The following TMPRSS3 variants were observed in gnomAD, a reference collection of about 807,000 sequenced individuals.
The protein encoded by TMPRSS3 is transmembrane serine protease 3, also known as transmembrane protease serine 3.
A neutral mutation model predicts 59.6 loss-of-function variants in TMPRSS3; 55 were observed. That is an observed-to-expected ratio of 0.92 (90% CI 0.74 to 1.16). The LOEUF (loss-of-function observed/expected upper bound fraction) is 1.16, where lower values mean the gene tolerates loss of function less well. TMPRSS3 is among the 50% of genes most tolerant of loss of function. TMPRSS3 has a pLI of 0.00. For synonymous variants in TMPRSS3, 257 were observed against 237.7 expected, an observed-to-expected ratio of 1.08 and a Z score of -0.75; for missense variants, 596 against 579.4, an observed-to-expected ratio of 1.03 and a Z score of -0.29.
rs949024094 is a variant in TMPRSS3, at chr21:42,388,691, G to A, written c.323-165C>T. On this transcript the variant is annotated intron_variant, in intron 4 of 12. Coordinates refer to ENST00000644384, the MANE Select transcript of TMPRSS3 (RefSeq NM_001256317.3). This position sits in a 1 kb window ranked among gnomAD's most constrained non-coding sequence, Gnocchi z 5.1. Reference sequence around the variant, plus strand: ...CAGAGCAGTGACTCTGGATCCCTGAGACTTCTCGCTGGTCTCATCTTATTG... The same window carrying A: ...CAGAGCAGTGACTCTGGATCCCTGAAACTTCTCGCTGGTCTCATCTTATTG... Among the ~76,000 whole-genome samples the A allele has an allele frequency of 6.6e-6, 1 of 152,190 alleles. No individual in the cohort carries two copies. The highest frequency in any genetic ancestry group is 1.5e-5 in the Non-Finnish European group (1 of 68,030).
At chr21:42,376,099 T>C (rs2052424110) in intron 11 of TMPRSS3, among the ~76,000 whole-genome samples, 1 of 152,120 alleles carries the variant, frequency 6.6e-6, no homozygotes, top group Non-Finnish European at 1.5e-5. Context: ...CAGCTGTGTG[T>C]CCCTTCCAGA....
In TMPRSS3 at chr21:42,388,295, C is replaced by A. The variant is rs2052668438; in HGVS notation, c.446+108G>T. 1 of 1,467,748 alleles carries A rather than the reference C, an allele frequency of 6.8e-7. No homozygotes were observed. The highest frequency in any genetic ancestry group is 9.5e-7 in the Non-Finnish European group (1 of 1,051,656). 90.9% of individuals were successfully genotyped at this position (1,467,748 alleles called of 1,614,324 possible). On this transcript the variant is annotated intron_variant, in intron 5 of 12. Transcript: ENST00000644384. The surrounding 1 kb of genome is among the most constrained non-coding windows in gnomAD (Gnocchi z 5.1). ...CCTAAGGTGGATGTGAGGATGTAATCTGAGAGCGTTAAAGCACCCAATAGT... is the reference window on the plus strand; with the variant it reads ...CCTAAGGTGGATGTGAGGATGTAATATGAGAGCGTTAAAGCACCCAATAGT...
At chr21:42,392,704 A>C (rs1056020088) in intron 2 of TMPRSS3, among the ~76,000 whole-genome samples, 2 of 152,176 alleles carry the variant, frequency 1.3e-5, no homozygotes, top group African/African-American at 4.8e-5. Flanking sequence ...GCACACTAAC[A>C]ATTCTCCTCT....
chr21:42,382,818 C>G (rs2146435645), intron 8 of TMPRSS3: 2 of 637,686 alleles, frequency 3.1e-6, no homozygotes, highest in Middle Eastern at 5.1e-4. Flanking sequence ...TCTCTAGGAG[C>G]TACAATCCTT....
intron 6 of TMPRSS3, among the ~76,000 whole-genome samples, chr21:42,384,842 C>T (rs945976064): frequency 5.9e-5 from 9 of 152,086 alleles, no homozygotes; most frequent in Non-Finnish European, 8.8e-5. Context: ...CACCGTCTAA[C>T]CTGGGGCAAG....
chr21:42,373,862 T>A (rs1040773104), intron 12 of TMPRSS3, among the ~76,000 whole-genome samples: 41 of 152,080 alleles, frequency 2.7e-4, no homozygotes, highest in African/African-American at 9.2e-4. Context: ...CCAGACTGAT[T>A]TTGAACGTTT....
rs2052616687 is a variant in TMPRSS3, at chr21:42,385,411, C to T, written c.570G>A (p.Val190=). The change falls in exon 6 of 13, where the codon GTG becomes GTA. Residue 190 remains valine, a splice_region_variant and synonymous_variant. Coordinates refer to ENST00000644384, the MANE Select transcript of TMPRSS3 (RefSeq NM_001256317.3). The part of the protein sequence containing the change: ...KVTALHHSVY[V]REGCASGHVV... ...AACAGCATCGCCTGACCACCTACCTCACATATACTGAGTGGTGTAATGCAG... is the reference window on the plus strand; with the variant it reads ...AACAGCATCGCCTGACCACCTACCTTACATATACTGAGTGGTGTAATGCAG... The T allele has an allele frequency of 1.9e-6, 3 of 1,614,026 alleles. No individual in the cohort carries two copies. The highest frequency in any genetic ancestry group is 2.5e-6 in the Non-Finnish European group (3 of 1,179,976).
In TMPRSS3 at chr21:42,385,443, T is replaced by C; in HGVS notation, c.538A>G (p.Lys180Glu). 1.2e-6 allele frequency: 2 copies of C among 1,614,144 alleles called. No homozygotes were observed. The highest frequency in any genetic ancestry group is 1.7e-6 in the Non-Finnish European group (2 of 1,180,012). ...VSIDHLLPDD[K>E]VTALHHSVYV... Reference sequence around the variant, plus strand: ...ACTGAGTGGTGTAATGCAGTCACCTTGTCATCTGGCAAGAGGTGATCGATG... The same window carrying C: ...ACTGAGTGGTGTAATGCAGTCACCTCGTCATCTGGCAAGAGGTGATCGATG... Residue 180 changes from lysine (K) to glutamate (E), a missense_variant, in exon 6 of 13, where the codon AAG becomes GAG. Physicochemically the swap from Lys to Glu is moderately conservative, Grantham distance 56. Transcript: ENST00000644384.
intron 1 of TMPRSS3, 128 bp from the exon 2 acceptor site, chr21:42,395,596 CA>C: frequency 1.8e-6 from 1 of 560,068 alleles, no homozygotes; most frequent in Non-Finnish European, 3.3e-6. Flanking sequence ...ATCGATTAAC[CA>C]AAAACAGTCA....
intron 12 of TMPRSS3, among the ~76,000 whole-genome samples, chr21:42,373,399 AG>A (rs1337300606): frequency 6.6e-6 from 1 of 152,214 alleles, no homozygotes; most frequent in Non-Finnish European, 1.5e-5. Context: ...GGCGTTGTGC[AG>A]GGAGCAGGGG....
At position 42,375,782 on chromosome 21, in the gene TMPRSS3, C is replaced by G. The variant is rs2052416266; in HGVS notation, c.1278G>C (p.Glu426Asp). 2.5e-6 allele frequency: 4 copies of G among 1,613,816 alleles called. No individual in the cohort carries two copies. The highest frequency in any genetic ancestry group is 2.5e-6 in the Non-Finnish European group (3 of 1,180,040). The change falls in exon 12 of 13, where the codon GAG (glutamate) becomes GAC (aspartate). Residue 426 changes from glutamate to aspartate, a missense_variant. Glu to Asp is a conservative substitution (Grantham distance 45). Transcript: ENST00000644384. The part of the protein sequence containing the change: ...GATSFGIGCA[E>D]VNKPGVYTRV... ...GGGTGTACACCCCAGGCTTGTTCAC[C>G]TCTGCGCAGCCGATGCCAAAGCTGG...
intron 10 of TMPRSS3, among the ~76,000 whole-genome samples, chr21:42,379,635 T>C (rs1006721604): frequency 6.6e-5 from 10 of 152,212 alleles, no homozygotes; most frequent in Non-Finnish European, 1.0e-4. Context: ...GCATGGACTA[T>C]GGTTACTGCC....
intron 12 of TMPRSS3, among the ~76,000 whole-genome samples, chr21:42,373,755 G>A (rs1439348951): frequency 6.6e-6 from 1 of 152,204 alleles, no homozygotes; most frequent in Non-Finnish European, 1.5e-5. Flanking sequence ...CGTCTCCGCT[G>A]TAGTACAGGG....
chr21:42,373,165 C>T (rs763521976), intron 12 of TMPRSS3, among the ~76,000 whole-genome samples: 6 of 152,190 alleles, frequency 3.9e-5, no homozygotes, highest in Admixed American at 1.3e-4. Flanking sequence ...AACTAGCACA[C>T]GGGACACTTC....
rs137882698 is a variant in TMPRSS3, at chr21:42,395,335, G to T, written c.83C>A (p.Pro28His). ...CTGGGTCCACTTACCTGGTGCAACA[G>T]GACTTATTTTCAAATCATCAAGGCC... ...LFGLDDLKIS[P>H]VAPDADAVAA... is the part of the protein sequence containing the mutation. Residue 28 changes from proline to histidine, a missense_variant, in exon 2 of 13, where the codon CCT becomes CAT. Coordinates refer to ENST00000644384, the MANE Select transcript of TMPRSS3 (RefSeq NM_001256317.3). The T allele has an allele frequency of 3.1e-6, 5 of 1,613,858 alleles. No homozygotes were observed. Among genetic ancestry groups the T allele is most frequent in the Non-Finnish European group, 4.2e-6 (5 of 1,179,950 alleles).
intron 1 of TMPRSS3, 130 bp downstream of exon 1, chr21:42,395,812 G>C (rs2052798958): frequency 2.4e-6 from 1 of 415,354 alleles, no homozygotes; most frequent in Non-Finnish European, 4.8e-6. Flanking sequence ...CTATTGTTCA[G>C]AAGATAAATT....
intron 2 of TMPRSS3, among the ~76,000 whole-genome samples, chr21:42,390,920 G>A (rs1374672484): frequency 6.6e-6 from 1 of 152,114 alleles, no homozygotes; most frequent in Non-Finnish European, 1.5e-5. Context: ...GGCAGGGCAC[G>A]GTGCCCTATG....
intron 11 of TMPRSS3, among the ~76,000 whole-genome samples, chr21:42,376,070 C>T (rs571215170): frequency 3.3e-5 from 5 of 152,308 alleles, no homozygotes; most frequent in African/African-American, 1.2e-4. Context: ...GTCCCTCGGC[C>T]CCTTTGGGGT....
intron 5 of TMPRSS3, among the ~76,000 whole-genome samples, chr21:42,387,796 G>A (rs1431371810): frequency 6.6e-6 from 1 of 152,064 alleles, no homozygotes; most frequent in East Asian, 1.9e-4. Flanking sequence ...AGAAGGAAGG[G>A]GCCAGGGGAG....
Sources: gnomAD v4.1 joint callset for allele counts (sites outside exome capture counted in the v4.1 genomes callset) on GRCh38, gnomAD v4.1.1 for gene constraint, Gnocchi (gnomAD v3.1) non-coding constraint, MANE v1.5 for transcripts, NCBI Gene and HGNC (gene_info 2026-07-23, HGNC 2026-07-21) for gene names.